The following SLC16A7 variants were observed in gnomAD, a reference collection of about 807,000 sequenced individuals.
SLC16A7 encodes monocarboxylate transporter 2.
Under a neutral mutation model 34.9 loss-of-function variants are expected in SLC16A7, and 33 were observed. That is an observed-to-expected ratio of 0.94 (90% CI 0.72 to 1.26). SLC16A7 has a LOEUF of 1.26. Among genes scored for constraint, SLC16A7 ranks in the 50% most tolerant of loss-of-function variants. The probability of loss-of-function intolerance (pLI) is 0.00; values close to 1 mark genes in which losing one functional copy is unlikely to be tolerated. For missense variants in SLC16A7, 573 were observed against 578.1 expected, an observed-to-expected ratio of 0.99 and a Z score of 0.09; for synonymous variants, 201 against 206.6, an observed-to-expected ratio of 0.97 and a Z score of 0.23.
At chr12:59,636,563 C>T (rs1880437501) in intron 1 of SLC16A7, among the ~76,000 whole-genome samples, 1 of 152,086 alleles carries the variant, frequency 6.6e-6, no homozygotes, top group African/African-American at 2.4e-5. Context: ...TATTCAGGCT[C>T]AAGCAGTCCT....
At chr12:59,715,230 C>T (rs957913158) in intron 3 of SLC16A7, among the ~76,000 whole-genome samples, 2 of 152,080 alleles carry the variant, frequency 1.3e-5, no homozygotes, top group Non-Finnish European at 2.9e-5. Flanking sequence ...GTTACAGGCC[C>T]CTGAACCTCT....
At chr12:59,771,153 A>ATGTT in intron 3 of SLC16A7, 66 bp from the exon 4 acceptor site, 2 of 1,475,062 alleles carry the variant, frequency 1.4e-6, no homozygotes, top group Non-Finnish European at 1.8e-6. Flanking sequence ...AAATGATTGG[A>ATGTT]TGTTAAAGAT....
chr12:59,675,716 T>A (rs1870252876), intron 2 of SLC16A7, among the ~76,000 whole-genome samples: 1 of 152,264 alleles, frequency 6.6e-6, no homozygotes, highest in African/African-American at 2.4e-5. Context: ...TAATAAAATC[T>A]GTGTAGGGAT....
At chr12:59,617,258 C>G (rs191680255) in intron 1 of SLC16A7, among the ~76,000 whole-genome samples, 28 of 151,884 alleles carry the variant, frequency 1.8e-4, no homozygotes, top group Admixed American at 1.0e-3. Context: ...ATATATGCAC[C>G]CTTCTCATCC....
At chr12:59,754,470 T>G (rs1451586069) in intron 3 of SLC16A7, among the ~76,000 whole-genome samples, 2 of 151,988 alleles carry the variant, frequency 1.3e-5, no homozygotes, top group South Asian at 2.1e-4. Flanking sequence ...CAGAGAATAC[T>G]ACAAACACCT....
chr12:59,689,185 G>T (rs543044543), intron 2 of SLC16A7, among the ~76,000 whole-genome samples: 2 of 152,086 alleles, frequency 1.3e-5, no homozygotes, highest in South Asian at 2.1e-4. Context: ...TTTATCAAGT[G>T]AATGACAGTA....
At chr12:59,642,909 G>A (rs1361259866) in intron 1 of SLC16A7, among the ~76,000 whole-genome samples, 1 of 151,902 alleles carries the variant, frequency 6.6e-6, no homozygotes, top group African/African-American at 2.4e-5. Flanking sequence ...ATAATAATTG[G>A]GAATACAGGC....
chr12:59,735,163 G>T (rs535587195), intron 3 of SLC16A7, among the ~76,000 whole-genome samples: 1 of 152,292 alleles, frequency 6.6e-6, no homozygotes, highest in East Asian at 1.9e-4. Flanking sequence ...AAGCCGCTTT[G>T]ATTTGAGATA....
intron 3 of SLC16A7, among the ~76,000 whole-genome samples, chr12:59,709,660 T>G (rs575775504): frequency 1.4e-4 from 21 of 151,634 alleles, no homozygotes; most frequent in Non-Finnish European, 2.9e-4. Flanking sequence ...AAGCAAAAAG[T>G]ACCAGGTACA....
At chr12:59,668,188 C>A (rs561614685) in intron 2 of SLC16A7, among the ~76,000 whole-genome samples, 149 of 152,230 alleles carry the variant, frequency 9.8e-4, no homozygotes, top group African/African-American at 3.6e-3. Context: ...CACTGGGGCA[C>A]CATCTAGTGG....
chr12:59,685,556 T>A (rs935856599), intron 2 of SLC16A7, among the ~76,000 whole-genome samples: 1 of 152,184 alleles, frequency 6.6e-6, no homozygotes, highest in Non-Finnish European at 1.5e-5. Context: ...TGTGGCTATA[T>A]AAATGCTATT....
intron 1 of SLC16A7, among the ~76,000 whole-genome samples, chr12:59,623,096 G>T (rs1001807579): frequency 1.4e-5 from 2 of 148,076 alleles, no homozygotes; most frequent in African/African-American, 5.0e-5. Flanking sequence ...GTGTGTGTCT[G>T]TATGTGCATA....
At chr12:59,749,287 T>C (rs887264231) in intron 3 of SLC16A7, among the ~76,000 whole-genome samples, 2 of 152,214 alleles carry the variant, frequency 1.3e-5, no homozygotes, top group Admixed American at 1.3e-4. Context: ...GCCAGTCTTT[T>C]TGCTGTACAA....
chr12:59,701,768 G>T (rs1009309034), intron 2 of SLC16A7, among the ~76,000 whole-genome samples: 1 of 151,598 alleles, frequency 6.6e-6, no homozygotes, highest in Non-Finnish European at 1.5e-5. Flanking sequence ...TATAATATTT[G>T]TATTGATGTT....
chr12:59,714,762 G>A (rs76371860), intron 3 of SLC16A7, among the ~76,000 whole-genome samples: 4,246 of 151,948 alleles, frequency 0.028, 109 homozygotes, highest in African/African-American at 0.069. Flanking sequence ...ATGGGGTTTC[G>A]CCACATTGGC....
intron 2 of SLC16A7, among the ~76,000 whole-genome samples, chr12:59,662,936 C>A (rs1053223239): frequency 6.6e-6 from 1 of 151,930 alleles, no homozygotes; most frequent in African/African-American, 2.4e-5. Flanking sequence ...AAGATGAATT[C>A]TACATTTAGA....
chr12:59,676,010 C>G (rs948905686), intron 2 of SLC16A7, among the ~76,000 whole-genome samples: 3 of 151,958 alleles, frequency 2.0e-5, no homozygotes, highest in African/African-American at 7.3e-5. Context: ...TATTTCATTG[C>G]CAATTGACCT....
intron 1 of SLC16A7, among the ~76,000 whole-genome samples, chr12:59,649,507 T>C (rs1868304880): frequency 6.6e-6 from 1 of 152,144 alleles, no homozygotes; most frequent in Admixed American, 6.6e-5. Context: ...ACATTATTAT[T>C]TGAGCTAAGT....
At chr12:59,655,688 C>T (rs1233823348) in intron 2 of SLC16A7, among the ~76,000 whole-genome samples, 1 of 151,798 alleles carries the variant, frequency 6.6e-6, no homozygotes, top group African/African-American at 2.4e-5. Context: ...ACATTTTGAA[C>T]AAAAATGATC....
Sources: allele counts gnomAD v4.1 joint callset (sites outside exome capture counted in the v4.1 genomes callset), GRCh38; gene constraint gnomAD v4.1.1; transcripts MANE v1.5; gene names NCBI Gene and HGNC (gene_info 2026-07-23, HGNC 2026-07-21).